Variants in SGCD observed in about 807,000 individuals in gnomAD.
The protein encoded by SGCD is sarcoglycan delta.
Under a neutral mutation model 36.6 loss-of-function variants are expected in SGCD, and 18 were observed. The observed-to-expected ratio is 0.49, with a 90% CI of 0.34 to 0.73. SGCD has a LOEUF of 0.73. Ranked by LOEUF, SGCD falls within the 30% of genes least tolerant of loss-of-function variation. The probability of loss-of-function intolerance (pLI) is 0.01; values close to 1 mark genes in which losing one functional copy is unlikely to be tolerated. For missense variants in SGCD, 387 were observed against 346.7 expected, an observed-to-expected ratio of 1.12 and a Z score of -0.92; for synonymous variants, 133 against 130.6, an observed-to-expected ratio of 1.02 and a Z score of -0.12.
At chr5:156,535,519 T>C (rs1356894837) in intron 4 of SGCD, among the ~76,000 whole-genome samples, 1 of 152,238 alleles carries the variant, frequency 6.6e-6, no homozygotes. Flanking sequence ...CTGCCTGTCT[T>C]TGTAATGTGT....
chr5:155,985,051 C>T (rs1219415914), intron 1 of SGCD, among the ~76,000 whole-genome samples: 3 of 152,180 alleles, frequency 2.0e-5, no homozygotes, highest in Non-Finnish European at 2.9e-5. Flanking sequence ...AATATCAAAA[C>T]TTTAATGACC....
intron 1 of SGCD, among the ~76,000 whole-genome samples, chr5:155,920,774 C>T (rs1287212257): frequency 6.6e-6 from 1 of 152,092 alleles, no homozygotes; most frequent in Non-Finnish European, 1.5e-5. Flanking sequence ...AAGCAATGTC[C>T]AGCAAGGGAC....
chr5:156,201,189 G>T (rs890537643), intron 3 of SGCD, among the ~76,000 whole-genome samples: 1 of 152,086 alleles, frequency 6.6e-6, no homozygotes, highest in African/African-American at 2.4e-5. Flanking sequence ...TACATTTAAC[G>T]CTACTGAACT....
At chr5:156,406,420 T>G (rs979673421) in intron 3 of SGCD, among the ~76,000 whole-genome samples, 27 of 152,208 alleles carry the variant, frequency 1.8e-4, no homozygotes, top group Middle Eastern at 3.4e-3. Context: ...TGCTCTCCTG[T>G]GCCCCTCTCC....
chr5:156,070,413 G>A (rs1401984027), intron 1 of SGCD, among the ~76,000 whole-genome samples: 1 of 151,308 alleles, frequency 6.6e-6, no homozygotes, highest in African/African-American at 2.5e-5. Flanking sequence ...CTTTGGTTCT[G>A]TTTATATGCT....
intron 1 of SGCD, among the ~76,000 whole-genome samples, chr5:156,056,245 C>A (rs989006828): frequency 6.9e-6 from 1 of 145,952 alleles, no homozygotes; most frequent in South Asian, 2.2e-4. Flanking sequence ...TTGGGAGGAA[C>A]TTAGTTTATA....
chr5:156,416,363 G>A (rs1773033634), intron 3 of SGCD, among the ~76,000 whole-genome samples: 1 of 152,128 alleles, frequency 6.6e-6, no homozygotes, highest in South Asian at 2.1e-4. Flanking sequence ...TGAGAACTTG[G>A]GGGAAAGGGT....
At chr5:156,682,014 T>G (rs138061020) in intron 7 of SGCD, among the ~76,000 whole-genome samples, 189 of 152,340 alleles carry the variant, frequency 1.2e-3, no homozygotes, top group African/African-American at 4.1e-3. Flanking sequence ...AATAACATGT[T>G]CTCAGCCACT....
At chr5:156,556,453 C>T (rs1759025230) in intron 4 of SGCD, among the ~76,000 whole-genome samples, 1 of 152,214 alleles carries the variant, frequency 6.6e-6, no homozygotes, top group African/African-American at 2.4e-5. Context: ...CCACTCTATC[C>T]TTTGTTTACA....
At chr5:156,480,197 C>T (rs140718221) in intron 3 of SGCD, among the ~76,000 whole-genome samples, 1 of 152,348 alleles carries the variant, frequency 6.6e-6, no homozygotes, top group East Asian at 1.9e-4. Context: ...CTCTACCTAA[C>T]AGCTCTGCCT....
At chr5:156,699,984 G>A (rs569466785) in intron 7 of SGCD, among the ~76,000 whole-genome samples, 17 of 144,964 alleles carry the variant, frequency 1.2e-4, no homozygotes, top group African/African-American at 3.9e-4. Context: ...AGCAGAGGAG[G>A]ATCAGAGACA....
intron 3 of SGCD, among the ~76,000 whole-genome samples, chr5:156,452,736 G>GT (rs1754076751): frequency 6.6e-6 from 1 of 152,094 alleles, no homozygotes; most frequent in Non-Finnish European, 1.5e-5. Context: ...AGATTCCACG[G>GT]TGAATGATAC....
At chr5:156,101,899 C>T (rs1232649684) in intron 1 of SGCD, among the ~76,000 whole-genome samples, 1 of 94,788 alleles carries the variant, frequency 1.1e-5, no homozygotes, top group Non-Finnish European at 2.2e-5. Context: ...CTGGTGTCTC[C>T]AGCTGTGTGT....
rs35914271 is a variant in SGCD at position 156,444,216 on chromosome 5, A to ATC, written c.193-64367_193-64366dup. 7.1e-4 allele frequency among the ~76,000 whole-genome samples: 64 copies of ATC among 90,672 alleles called. 2 individuals carry two copies. The highest frequency in any genetic ancestry group is 8.6e-4 in the African/African-American group (21 of 24,368). The allele number at this position is 90,672 out of a possible 152,430, so 59.5% of individuals were successfully genotyped here. On this transcript the variant is annotated intron_variant, in intron 3 of 8. Coordinates refer to ENST00000337851, the MANE Select transcript of SGCD (RefSeq NM_000337.6). Reference sequence around the variant, plus strand: ...CTTCCCTCTCTCCCTCCTTCCTTTTATCTCTCTCTCTCTCTCTCTGTGTTT... The same window carrying ATC: ...CTTCCCTCTCTCCCTCCTTCCTTTTATCTCTCTCTCTCTCTCTCTCTGTGTTT...
chr5:156,237,373 TCAGC>T, intron 3 of SGCD, among the ~76,000 whole-genome samples: 1 of 151,704 alleles, frequency 6.6e-6, no homozygotes, highest in Non-Finnish European at 1.5e-5. Flanking sequence ...GCCTGTAATC[TCAGC>T]ACTTTGGGAG....
At chr5:156,683,605 T>C (rs181639402) in intron 7 of SGCD, among the ~76,000 whole-genome samples, 1 of 152,290 alleles carries the variant, frequency 6.6e-6, no homozygotes, top group Non-Finnish European at 1.5e-5. Flanking sequence ...AAAACCTTCC[T>C]GGTAAGTTAA....
chr5:156,672,371 AG>A (rs922540875), intron 7 of SGCD, among the ~76,000 whole-genome samples: 2 of 152,182 alleles, frequency 1.3e-5, no homozygotes, highest in African/African-American at 2.4e-5. Context: ...GGATGTACAT[AG>A]TGAAGAAACA....
intron 4 of SGCD, among the ~76,000 whole-genome samples, chr5:156,549,308 G>A (rs1294901140): frequency 4.6e-5 from 7 of 152,158 alleles, no homozygotes; most frequent in East Asian, 1.9e-4. Flanking sequence ...ATGAGCTCAC[G>A]TTGTCAGCCT....
chr5:156,016,537 C>T (rs1393907616), intron 1 of SGCD, among the ~76,000 whole-genome samples: 1 of 152,104 alleles, frequency 6.6e-6, no homozygotes, highest in Admixed American at 6.6e-5. Context: ...TTATAGATAA[C>T]AAATTTTGTT....
Sources: allele counts gnomAD v4.1 joint callset (sites outside exome capture counted in the v4.1 genomes callset), GRCh38; gene constraint gnomAD v4.1.1; transcripts MANE v1.5; gene names NCBI Gene and HGNC (gene_info 2026-07-23, HGNC 2026-07-21).